The following FN1 variants were observed in gnomAD, a reference collection of about 807,000 sequenced individuals.
FN1 encodes the protein fibronectin 1, also known as fibronectin.
FN1 carries 106 observed loss-of-function variants against 297.3 expected under a neutral mutation model. That is an observed-to-expected ratio of 0.36 (90% CI 0.30 to 0.42). FN1 has a LOEUF of 0.42. Among genes scored for constraint, FN1 ranks in the 10% least tolerant of loss-of-function variants. FN1 has a pLI of 1.00. For missense variants in FN1, 2,690 were observed against 3,124.9 expected (o/e 0.86, Z 3.32); for synonymous variants, 1,149 against 1,152.6 (o/e 1.00, Z 0.06).
At position 215,381,009 on chromosome 2, in the gene FN1, G is replaced by A; in HGVS notation, c.5236C>T (p.Pro1746Ser). Residue 1746 changes from proline (P) to serine (S), a missense_variant, in exon 33 of 46, where the codon CCA becomes TCA. Coordinates refer to ENST00000354785, the MANE Select transcript of FN1 (RefSeq NM_212482.4). The part of the protein sequence containing the change: ...VDSIKIAWES[P>S]QGQVSRYRVT... ...CTGTACCTGGAAACTTGCCCCTGTG[G>A]GCTTTCCCAAGCAATTTTGATGGAA... 1 of 1,614,208 alleles carries A rather than the reference G, an allele frequency of 6.2e-7. No homozygotes were observed. Among genetic ancestry groups the A allele is most frequent in the Non-Finnish European group, 8.5e-7 (1 of 1,180,042 alleles).
intron 34 of FN1, 54 bp downstream of exon 34, chr2:215,379,076 C>CT (rs2057799476): frequency 3.5e-6 from 5 of 1,435,754 alleles, no homozygotes; most frequent in Non-Finnish European, 4.9e-6. Context: ...ACCTTAGAAA[C>CT]TGTGTTAGAG....
chr2:215,383,209 T>C lies in FN1; in HGVS notation c.5050+119A>G. 3.0e-6 allele frequency: 3 copies of C among 1,007,020 alleles called. No homozygotes were observed. The Admixed American group carries it at 5.2e-5, about 17-fold the overall frequency. The allele number at this position is 1,007,020 out of a possible 1,614,324, so 62.4% of individuals were successfully genotyped here. On this transcript the variant is annotated intron_variant, in intron 31 of 45. Transcript: ENST00000354785. Reference sequence around the variant, plus strand: ...TTTTAGTACAGACGGGGTTTCGCCATATTGGCCAGGCTGGTCTCGAACTCC... The same window carrying C: ...TTTTAGTACAGACGGGGTTTCGCCACATTGGCCAGGCTGGTCTCGAACTCC...
chr2:215,368,152 G>T, intron 41 of FN1, 125 bp from the exon 42 acceptor site: 1 of 1,038,494 alleles, frequency 9.6e-7, no homozygotes. Context: ...AGGATTAAGA[G>T]GCATTCATCT....
chr2:215,389,519 T>C (rs2059448005), intron 26 of FN1, among the ~76,000 whole-genome samples: 1 of 152,090 alleles, frequency 6.6e-6, no homozygotes, highest in South Asian at 2.1e-4. Flanking sequence ...TACACAAACC[T>C]AGATGGGCTT....
Position 215,375,667 on chromosome 2 carries a change from T to C in FN1, c.5939A>G (p.Asn1980Ser). Residue 1980 changes from asparagine (N) to serine (S), a missense_variant, in exon 37 of 46, where the codon AAT (asparagine) becomes AGT (serine). Physicochemically the swap from Asn to Ser is conservative, Grantham distance 46. Around this residue, in one of 3 missense-constraint regions of FN1, gnomAD observed 1,743 missense variants for 1,945.2 expected, o/e 0.90. Coordinates refer to ENST00000354785, the MANE Select transcript of FN1 (RefSeq NM_212482.4). ...GATGACCACAGGGGAGCTCCGAGCATTGTCATTCAAGGTGTACAGGTAGAT... is the reference window on the plus strand; with the variant it reads ...GATGACCACAGGGGAGCTCCGAGCACTGTCATTCAAGGTGTACAGGTAGAT... ...YKIYLYTLND[N>S]ARSSPVVIDA... is the part of the protein sequence containing the mutation. The C allele has an allele frequency of 1.2e-6, 2 of 1,613,684 alleles. No homozygotes were observed. Among genetic ancestry groups the C allele is most frequent in the African/African-American group, 1.3e-5 (1 of 75,042 alleles).
intron 18 of FN1, among the ~76,000 whole-genome samples, chr2:215,406,753 G>T (rs1402534852): frequency 6.6e-6 from 1 of 152,122 alleles, no homozygotes; most frequent in Non-Finnish European, 1.5e-5. Context: ...ATATGGTGGT[G>T]GGGGGAGAGG....
intron 3 of FN1, 27 bp from the exon 4 acceptor site, chr2:215,431,991 G>A (rs1310619978): frequency 1.2e-6 from 2 of 1,612,628 alleles, no homozygotes; most frequent in East Asian, 4.5e-5. Context: ...GAAAATGTTA[G>A]GAGAGGGCAG....
chr2:215,395,867 G>A (rs999618769), intron 23 of FN1, among the ~76,000 whole-genome samples: 1 of 151,972 alleles, frequency 6.6e-6, no homozygotes, highest in South Asian at 2.1e-4. Flanking sequence ...CCATTGAGAC[G>A]AGATATTAAT....
chr2:215,393,835 A>C (rs1309733147), intron 24 of FN1: 1 of 153,078 alleles, frequency 6.5e-6, no homozygotes, highest in Non-Finnish European at 1.5e-5. Flanking sequence ...ACATGTAATT[A>C]GCGTTAGTAA....
In FN1 at chr2:215,376,452, G is replaced by A. The variant is rs372577850; in HGVS notation, c.5887+46C>T. The A allele has an allele frequency of 4.6e-6, 7 of 1,535,588 alleles. No homozygotes were observed. The African/African-American group carries it at 8.2e-5, about 18-fold the overall frequency. ...AACAGTTAATAAGCCCGTTTACATT[G>A]TGGGTATTTGTTAACAAATGTGGTT... On this transcript the variant is annotated intron_variant, in intron 36 of 45. Transcript: ENST00000354785.
chr2:215,393,367 T>C (rs1257694778), intron 24 of FN1, 164 bp from the exon 25 acceptor site: 1 of 622,410 alleles, frequency 1.6e-6, no homozygotes, highest in African/African-American at 1.8e-5. Context: ...TGAAAAGACT[T>C]CCTAAGCATC....
chr2:215,375,213 C>G lies in FN1; in HGVS notation c.6157+1G>C, dbSNP rs2057052556. ...AAATGACAGCATGGAAGCAGCAATA[C>G]CAGTAATAGTAGCCTCTGTGACACC... On this transcript the variant is annotated splice_donor_variant, in intron 38 of 45. Transcript: ENST00000354785. LOFTEE classifies it high-confidence loss of function. 6.2e-7 allele frequency: 1 copy of G among 1,613,874 alleles called. No individual in the cohort carries two copies. Among genetic ancestry groups the G allele is most frequent in the Non-Finnish European group, 8.5e-7 (1 of 1,179,920 alleles).
At chr2:215,387,475 T>G (rs2059172919) in intron 27 of FN1, among the ~76,000 whole-genome samples, 1 of 152,202 alleles carries the variant, frequency 6.6e-6, no homozygotes. Context: ...TTTCTGAAAC[T>G]AAAGACATTA....
chr2:215,430,312 A>G (rs749651328), intron 5 of FN1, among the ~76,000 whole-genome samples: 19 of 152,364 alleles, frequency 1.2e-4, no homozygotes, highest in East Asian at 1.9e-4. Context: ...GCTTCTTTAC[A>G]GCACTAATCA....
intron 10 of FN1, 73 bp downstream of exon 10, chr2:215,422,018 G>A: frequency 7.0e-7 from 1 of 1,434,382 alleles, no homozygotes; most frequent in Non-Finnish European, 9.8e-7. Context: ...CATAGTGCAA[G>A]TTTTCATAAA....
At chr2:215,430,888 G>C (rs1221462130) in intron 4 of FN1, 36 bp from the exon 5 acceptor site, 1 of 1,611,114 alleles carries the variant, frequency 6.2e-7, no homozygotes. Flanking sequence ...AGGAAAAAAA[G>C]GTTATTTTGA....
chr2:215,406,570 C>G lies in FN1; in HGVS notation c.2714-60G>C, dbSNP rs2061801495. On this transcript the variant is annotated intron_variant, in intron 18 of 45. Transcript: ENST00000354785. Reference sequence around the variant, plus strand: ...TCTGCTGAAGATTACTTTTAAGAAGCCAGTTTCTTGGATATGTTAGGCAGT... The same window carrying G: ...TCTGCTGAAGATTACTTTTAAGAAGGCAGTTTCTTGGATATGTTAGGCAGT... 8 of 1,567,788 alleles carry G rather than the reference C, an allele frequency of 5.1e-6. No homozygotes were observed. The Admixed American group carries it at 1.4e-4, about 28-fold the overall frequency.
At position 215,362,031 on chromosome 2, in the gene FN1, C is replaced by T. The variant is rs370833185; in HGVS notation, c.7300G>A (p.Glu2434Lys). 25 of 1,613,898 alleles carry T rather than the reference C, an allele frequency of 1.5e-5. No individual in the cohort carries two copies. Among genetic ancestry groups the T allele is most frequent in the Admixed American group, 3.3e-5 (2 of 59,998 alleles). ...TTGTAGGACTGGCCAGTAGTGCCTT[C>T]GGGACTGGGTTCACCCCCAGGTCTG... Reference protein sequence around the residue: ...CRRPGGEPSPEGTTGQSYNQY... With the variant: ...CRRPGGEPSPKGTTGQSYNQY... The change falls in exon 45 of 46, where the codon GAA (glutamate) becomes AAA (lysine). Residue 2434 changes from glutamate to lysine, a missense_variant. By Grantham distance (56) the Glu-to-Lys change is moderately conservative. Coordinates refer to ENST00000354785, the MANE Select transcript of FN1 (RefSeq NM_212482.4).
chr2:215,386,874 A>C lies in FN1; in HGVS notation c.4427T>G (p.Ile1476Ser). The C allele has an allele frequency of 6.2e-7, 1 of 1,613,840 alleles. No homozygotes were observed. The highest frequency in any genetic ancestry group is 8.5e-7 in the Non-Finnish European group (1 of 1,179,892). Residue 1476 changes from isoleucine (I) to serine (S), a missense_variant, in exon 28 of 46, where the codon ATC becomes AGC. Physicochemically the swap from Ile to Ser is moderately radical, Grantham distance 142. Transcript: ENST00000354785. ...ATGATGGCGGATCCTGTAGCCAGTG[A>C]TGGTGGCTCGAGGAGCAATCCAGTG... The part of the protein sequence containing the change: ...TVHWIAPRAT[I>S]TGYRIRHHPE...
Sources: gnomAD v4.1 joint callset for allele counts (sites outside exome capture counted in the v4.1 genomes callset) on GRCh38, gnomAD v4.1.1 for gene constraint, gnomAD v4.1.1 regional missense constraint, MANE v1.5 for transcripts, NCBI Gene and HGNC (gene_info 2026-07-23, HGNC 2026-07-21) for gene names.